The following GPC6 variants were observed in gnomAD, a reference collection of about 807,000 sequenced individuals.
GPC6 encodes glypican 6.
In GPC6, 14 loss-of-function variants were observed where a neutral mutation model predicts 55.2. That is an observed-to-expected ratio of 0.25 (90% CI 0.17 to 0.40). GPC6 has a LOEUF of 0.40. GPC6 is among the 10% of genes least tolerant of loss of function. The probability of loss-of-function intolerance (pLI) is 1.00; values close to 1 mark genes in which losing one functional copy is unlikely to be tolerated. For missense variants in GPC6, 641 were observed against 708.5 expected, an observed-to-expected ratio of 0.90 and a Z score of 1.08; for synonymous variants, 278 against 259.6, an observed-to-expected ratio of 1.07 and a Z score of -0.68.
At chr13:93,900,915 G>T (rs1044278394) in intron 3 of GPC6, among the ~76,000 whole-genome samples, 17 of 152,226 alleles carry the variant, frequency 1.1e-4, no homozygotes, top group Admixed American at 3.3e-4. Context: ...AGAAAGTTCC[G>T]TATGACACAG....
intron 4 of GPC6, among the ~76,000 whole-genome samples, chr13:94,072,511 G>A (rs887163153): frequency 6.6e-6 from 1 of 152,072 alleles, no homozygotes; most frequent in Admixed American, 6.6e-5. Context: ...GTGCTGCCAC[G>A]TCCGGCTAAT....
At chr13:94,014,456 A>G (rs1239960210) in intron 3 of GPC6, among the ~76,000 whole-genome samples, 2 of 152,210 alleles carry the variant, frequency 1.3e-5, no homozygotes, top group East Asian at 1.9e-4. Flanking sequence ...ACACTCAAAT[A>G]TGGCAGTAGG....
chr13:93,354,539 G>T (rs1192652617), intron 1 of GPC6, among the ~76,000 whole-genome samples: 93 of 133,774 alleles, frequency 7.0e-4, no homozygotes, highest in African/African-American at 2.1e-3. Context: ...TTTTTTTTTG[G>T]ATTTTTAGTA....
At chr13:93,467,652 A>G (rs1439938152) in intron 1 of GPC6, among the ~76,000 whole-genome samples, 2 of 147,194 alleles carry the variant, frequency 1.4e-5, no homozygotes, top group South Asian at 2.2e-4. Flanking sequence ...TGTGATCACA[A>G]TGACTCACTG....
At chr13:93,296,277 A>G (rs566671220) in intron 1 of GPC6, among the ~76,000 whole-genome samples, 1 of 151,080 alleles carries the variant, frequency 6.6e-6, no homozygotes, top group Non-Finnish European at 1.5e-5. Flanking sequence ...TTCCTCTGAA[A>G]CCCTCCTTCT....
intron 1 of GPC6, among the ~76,000 whole-genome samples, chr13:93,510,995 A>G (rs9524105): frequency 1.1e-4 from 10 of 91,606 alleles, no homozygotes; most frequent in African/African-American, 3.8e-4. Flanking sequence ...GTGTATATAT[A>G]TATATATATA....
intron 4 of GPC6, among the ~76,000 whole-genome samples, chr13:94,226,922 G>A (rs1433981508): frequency 6.6e-6 from 1 of 152,128 alleles, no homozygotes; most frequent in Non-Finnish European, 1.5e-5. Context: ...AAGGAAAGAT[G>A]CCATGAACCA....
At chr13:94,092,014 G>A (rs183221986) in intron 4 of GPC6, among the ~76,000 whole-genome samples, 107 of 149,756 alleles carry the variant, frequency 7.1e-4, no homozygotes, top group Non-Finnish European at 1.2e-3. Context: ...ATATATTTGC[G>A]GTGTAAAATG....
chr13:93,365,451 T>G (rs1418643796), intron 1 of GPC6, among the ~76,000 whole-genome samples: 1 of 152,114 alleles, frequency 6.6e-6, no homozygotes, highest in Non-Finnish European at 1.5e-5. Context: ...TACCAATCAC[T>G]TTGCCTTGTA....
chr13:93,597,350 C>T (rs187304350), intron 2 of GPC6, among the ~76,000 whole-genome samples: 68 of 152,254 alleles, frequency 4.5e-4, no homozygotes, highest in African/African-American at 1.5e-3. Flanking sequence ...CTCAAGGCTG[C>T]CTTTCCCTAT....
At chr13:93,829,239 T>C (rs1887391633) in intron 2 of GPC6, among the ~76,000 whole-genome samples, 1 of 152,198 alleles carries the variant, frequency 6.6e-6, no homozygotes, top group Admixed American at 6.5e-5. Flanking sequence ...GAACTTGCTC[T>C]ACCCAAGCTT....
intron 1 of GPC6, among the ~76,000 whole-genome samples, chr13:93,397,792 T>C (rs1273554596): frequency 6.6e-6 from 1 of 152,042 alleles, no homozygotes; most frequent in Non-Finnish European, 1.5e-5. Context: ...AAAAGCTATT[T>C]TTTTTTCCTA....
At chr13:94,019,207 G>C (rs534685172) in intron 3 of GPC6, among the ~76,000 whole-genome samples, 1 of 152,200 alleles carries the variant, frequency 6.6e-6, no homozygotes, top group South Asian at 2.1e-4. Context: ...TTCTTTGTCC[G>C]GAGGTGTTTT....
intron 2 of GPC6, among the ~76,000 whole-genome samples, chr13:93,792,020 A>G (rs1228406414): frequency 1.3e-5 from 2 of 152,232 alleles, no homozygotes; most frequent in East Asian, 1.9e-4. Flanking sequence ...TTAAGTTTAA[A>G]GTAGTACCAA....
chr13:93,285,244 G>A (rs1242200140), intron 1 of GPC6, among the ~76,000 whole-genome samples: 1 of 152,096 alleles, frequency 6.6e-6, no homozygotes, highest in Non-Finnish European at 1.5e-5. Flanking sequence ...ACAAATTAGT[G>A]GTAATCCTAT....
At chr13:93,488,633 T>C (rs1458155993) in intron 1 of GPC6, among the ~76,000 whole-genome samples, 1 of 152,186 alleles carries the variant, frequency 6.6e-6, no homozygotes, top group East Asian at 1.9e-4. Flanking sequence ...CAGCACCTGT[T>C]GTTTCCTGAC....
intron 3 of GPC6, among the ~76,000 whole-genome samples, chr13:93,965,523 C>A (rs183262166): frequency 3.3e-4 from 50 of 152,250 alleles, no homozygotes; most frequent in African/African-American, 1.1e-3. Context: ...CTTTGACCAG[C>A]AGGATATGGT....
chr13:93,470,507 GGATTC>G (rs1324358108), intron 1 of GPC6, among the ~76,000 whole-genome samples: 1 of 151,892 alleles, frequency 6.6e-6, no homozygotes, highest in East Asian at 1.9e-4. Flanking sequence ...ATATATTGTT[GGATTC>G]GATTTGCAAA....
At chr13:93,811,117 T>C (rs1886682436) in intron 2 of GPC6, among the ~76,000 whole-genome samples, 1 of 152,164 alleles carries the variant, frequency 6.6e-6, no homozygotes, top group Admixed American at 6.5e-5. Context: ...TGGGCACAGA[T>C]TCAGGAAACT....
Sources: gnomAD v4.1 joint callset for allele counts (sites outside exome capture counted in the v4.1 genomes callset) on GRCh38, gnomAD v4.1.1 for gene constraint, MANE v1.5 for transcripts, NCBI Gene and HGNC (gene_info 2026-07-23, HGNC 2026-07-21) for gene names.